Variants in SLC10A7 observed in about 807,000 individuals in gnomAD.
SLC10A7 encodes sodium/bile acid cotransporter 7.
Under a neutral mutation model 43.2 loss-of-function variants are expected in SLC10A7, and 29 were observed. The observed-to-expected ratio is 0.67, with a 90% confidence interval of 0.50 to 0.92. SLC10A7 has a LOEUF of 0.92. SLC10A7 is among the 40% of genes least tolerant of loss of function. The pLI is 0.00. For synonymous variants in SLC10A7, 152 were observed against 144.8 expected, an observed-to-expected ratio of 1.05 and a Z score of -0.35; for missense variants, 295 against 403.2, an observed-to-expected ratio of 0.73 and a Z score of 2.30.
At chr4:146,425,125 T>A (rs908905920) in intron 5 of SLC10A7, among the ~76,000 whole-genome samples, 3 of 152,100 alleles carry the variant, frequency 2.0e-5, no homozygotes, top group African/African-American at 4.8e-5. Context: ...TAACAACAGA[T>A]CCCTGACAAG....
chr4:146,337,779 A>G (rs1733991683), intron 5 of SLC10A7, among the ~76,000 whole-genome samples: 1 of 151,984 alleles, frequency 6.6e-6, no homozygotes, highest in African/African-American at 2.4e-5. Flanking sequence ...CAAAGTTGAG[A>G]GATCAGGAGA....
At chr4:146,261,932 G>A (rs1004976832) in intron 10 of SLC10A7, among the ~76,000 whole-genome samples, 3 of 152,148 alleles carry the variant, frequency 2.0e-5, no homozygotes, top group South Asian at 2.1e-4. Context: ...CTTGTTTTAG[G>A]AAACTTTATT....
chr4:146,425,917 T>C (rs1194905669), intron 5 of SLC10A7, among the ~76,000 whole-genome samples: 1 of 152,224 alleles, frequency 6.6e-6, no homozygotes, highest in African/African-American at 2.4e-5. Context: ...CTGCTTCCTC[T>C]AATCCCATTC....
intron 2 of SLC10A7, among the ~76,000 whole-genome samples, chr4:146,515,909 CAAAAAAAAAAA>C (rs57840725): frequency 8.8e-5 from 7 of 79,226 alleles, no homozygotes; most frequent in Non-Finnish European, 2.3e-5. Context: ...GATTCCATCT[CAAAAAAAAAAA>C]AAAAAAAAAA....
intron 5 of SLC10A7, among the ~76,000 whole-genome samples, chr4:146,373,566 C>T (rs1736948598): frequency 6.6e-6 from 1 of 151,402 alleles, no homozygotes; most frequent in Non-Finnish European, 1.5e-5. Context: ...GGTCAAAAAG[C>T]ACCATAGTAA....
chr4:146,424,515 CT>C (rs1447812336), intron 5 of SLC10A7, among the ~76,000 whole-genome samples: 1 of 151,972 alleles, frequency 6.6e-6, no homozygotes, highest in Non-Finnish European at 1.5e-5. Context: ...CAAAAATTAG[CT>C]GGGCGTGGTG....
intron 4 of SLC10A7, among the ~76,000 whole-genome samples, chr4:146,464,900 A>G (rs1180606418): frequency 1.3e-5 from 2 of 152,274 alleles, no homozygotes; most frequent in East Asian, 3.9e-4. Flanking sequence ...CCCACTTTTT[A>G]AAAAGTATTC....
intron 10 of SLC10A7, among the ~76,000 whole-genome samples, chr4:146,263,987 T>G (rs529820447): frequency 2.0e-5 from 3 of 152,246 alleles, no homozygotes; most frequent in South Asian, 2.1e-4. Flanking sequence ...GCATGCCATA[T>G]TTCCATGTCA....
intron 6 of SLC10A7, among the ~76,000 whole-genome samples, chr4:146,309,035 G>T (rs1008397737): frequency 6.6e-6 from 1 of 152,044 alleles, no homozygotes; most frequent in Non-Finnish European, 1.5e-5. Context: ...AGCTGAGGTC[G>T]GTGTGCACGC....
intron 5 of SLC10A7, chr4:146,442,361 G>A (rs1459074583): frequency 3.1e-5 from 31 of 995,022 alleles, no homozygotes; most frequent in Non-Finnish European, 3.2e-5. Context: ...CTTTGACAGT[G>A]AAATGTACAA....
chr4:146,481,248 T>G (rs1018941250), intron 4 of SLC10A7, among the ~76,000 whole-genome samples: 4 of 152,044 alleles, frequency 2.6e-5, no homozygotes, highest in Non-Finnish European at 4.4e-5. Flanking sequence ...CACTCCCCAG[T>G]CCAAATAGGC....
chr4:146,377,691 G>C (rs1737301796), intron 5 of SLC10A7, among the ~76,000 whole-genome samples: 1 of 152,102 alleles, frequency 6.6e-6, no homozygotes, highest in Admixed American at 6.5e-5. Flanking sequence ...TCTGTCCCAG[G>C]AACAAAGAGG....
At chr4:146,342,981 C>A (rs1734369864) in intron 5 of SLC10A7, among the ~76,000 whole-genome samples, 1 of 151,694 alleles carries the variant, frequency 6.6e-6, no homozygotes, top group Non-Finnish European at 1.5e-5. Context: ...GAAGATACAA[C>A]CCCGTTTCAT....
chr4:146,434,453 T>C (rs901626634), intron 5 of SLC10A7, among the ~76,000 whole-genome samples: 1 of 152,242 alleles, frequency 6.6e-6, no homozygotes, highest in South Asian at 2.1e-4. Context: ...AATTGGTAGA[T>C]ACAAACCTTA....
At chr4:146,311,857 A>T (rs561481650) in intron 6 of SLC10A7, among the ~76,000 whole-genome samples, 1 of 152,254 alleles carries the variant, frequency 6.6e-6, no homozygotes, top group East Asian at 1.9e-4. Context: ...AAACAGAAGA[A>T]GGAAGAGTCT....
intron 6 of SLC10A7, among the ~76,000 whole-genome samples, chr4:146,316,398 G>A (rs943757267): frequency 6.6e-6 from 1 of 151,648 alleles, no homozygotes; most frequent in African/African-American, 2.4e-5. Flanking sequence ...TCCTGAGGGT[G>A]GAGACCTTAT....
At chr4:146,397,264 C>T (rs555655986) in intron 5 of SLC10A7, among the ~76,000 whole-genome samples, 170 of 152,166 alleles carry the variant, frequency 1.1e-3, no homozygotes, top group Non-Finnish European at 1.8e-3. Context: ...TATTAAATAA[C>T]GCTCATTTTA....
At chr4:146,292,686 C>T (rs1338284206) in intron 9 of SLC10A7, among the ~76,000 whole-genome samples, 1 of 152,092 alleles carries the variant, frequency 6.6e-6, no homozygotes, top group Admixed American at 6.6e-5. Flanking sequence ...CAGCTCAAGC[C>T]AGTAGAATGG....
At chr4:146,333,214 G>A (rs1733654422) in intron 5 of SLC10A7, among the ~76,000 whole-genome samples, 1 of 151,686 alleles carries the variant, frequency 6.6e-6, no homozygotes, top group Admixed American at 6.6e-5. Context: ...CAAAATTAAG[G>A]GTCTTCTACA....
Sources: allele counts gnomAD v4.1 joint callset (sites outside exome capture counted in the v4.1 genomes callset), GRCh38; gene constraint gnomAD v4.1.1; transcripts MANE v1.5; gene names NCBI Gene and HGNC (gene_info 2026-07-23, HGNC 2026-07-21).